Variants in DNAL4 observed in about 807,000 individuals in gnomAD.
DNAL4 encodes the protein dynein axonemal light chain 4.
Under a neutral mutation model 12.6 loss-of-function variants are expected in DNAL4, and 10 were observed. That is an observed-to-expected ratio of 0.79 (90% CI 0.49 to 1.34). The LOEUF is 1.34. DNAL4 is among the 40% of genes most tolerant of loss of function. The pLI is 0.00. For synonymous variants in DNAL4, 46 were observed against 53.1 expected, an observed-to-expected ratio of 0.87 and a Z score of 0.58; for missense variants, 128 against 138.1, an observed-to-expected ratio of 0.93 and a Z score of 0.37.
chr22:38,792,287 C>CT (rs35443069), intron 1 of DNAL4, among the ~76,000 whole-genome samples: 123,336 of 146,332 alleles, frequency 0.84, 52,038 homozygotes, highest in African/African-American at 0.89. Flanking sequence ...TTCTTTTTTA[C>CT]TTTTTTTTTT....
At chr22:38,781,609 T>C (rs895418068) in intron 2 of DNAL4, among the ~76,000 whole-genome samples, 1 of 152,200 alleles carries the variant, frequency 6.6e-6, no homozygotes, top group Admixed American at 6.5e-5. Context: ...TCTGTCAAAC[T>C]GGCCACTTGA....
rs762739403 is a variant in DNAL4, at chr22:38,779,550, T to G, written c.217A>C (p.Ile73Leu). 1 of 1,592,898 alleles carries G rather than the reference T, an allele frequency of 6.3e-7. No individual in the cohort carries two copies. The change falls in exon 4 of 4, where the codon ATC becomes CTC. Residue 73 changes from isoleucine to leucine, a missense_variant. By Grantham distance (5) the Ile-to-Leu change is conservative. Transcript: ENST00000216068. The surrounding 1 kb of genome is among the most constrained non-coding windows in gnomAD (Gnocchi z 4.3). ...ATCTCAAACCCAAAGCCCTCGCCGA[T>G]CACCACGTGCCAGGAGGAGCCGAAC... ...KKFGSSWHVV[I>L]GEGFGFEITH...
intron 1 of DNAL4, 36 bp downstream of exon 1, chr22:38,794,032 C>T (rs1334544184): frequency 6.6e-6 from 1 of 152,216 alleles, no homozygotes; most frequent in Non-Finnish European, 1.5e-5. Flanking sequence ...GGCCGGCCCT[C>T]CCCGCCTGGC....
chr22:38,779,539 G>A lies in DNAL4; in HGVS notation c.228C>T (p.Gly76=), dbSNP rs772575654. ...CCTCGTGGGTGATCTCAAACCCAAAGCCCTCGCCGATCACCACGTGCCAGG... is the reference window on the plus strand; with the variant it reads ...CCTCGTGGGTGATCTCAAACCCAAAACCCTCGCCGATCACCACGTGCCAGG... ...GSSWHVVIGE[G]FGFEITHEVK... is the part of the protein sequence containing the mutation. The change falls in exon 4 of 4, where the codon GGC becomes GGT. Residue 76 remains glycine, a synonymous_variant. Coordinates refer to ENST00000216068, the MANE Select transcript of DNAL4 (RefSeq NM_005740.3). This position sits in a 1 kb window ranked among gnomAD's most constrained non-coding sequence, Gnocchi z 4.3. 2.5e-6 allele frequency: 4 copies of A among 1,588,514 alleles called. No homozygotes were observed. Among genetic ancestry groups the A allele is most frequent in the African/African-American group, 2.7e-5 (2 of 74,392 alleles).
At position 38,780,978 on chromosome 22, in the gene DNAL4, T is replaced by TC. The variant is rs1337369443; in HGVS notation, c.100dup (p.Glu34GlyfsTer11). The TC allele has an allele frequency of 6.2e-7, 1 of 1,614,058 alleles. No individual in the cohort carries two copies. Among genetic ancestry groups the TC allele is most frequent in the Non-Finnish European group, 8.5e-7 (1 of 1,180,018 alleles). On this transcript the variant is annotated frameshift_variant, in exon 3 of 4. Coordinates refer to ENST00000216068, the MANE Select transcript of DNAL4 (RefSeq NM_005740.3). LOFTEE classifies it high-confidence loss of function. ...GGCTGTGACACATAGCTCCATGGTCTCCACGCGCATCTCCTCTGGCATGTC... is the reference window on the plus strand; with the variant it reads ...GGCTGTGACACATAGCTCCATGGTCTCCCACGCGCATCTCCTCTGGCATGTC...
intron 1 of DNAL4, among the ~76,000 whole-genome samples, chr22:38,786,415 C>T (rs1355321534): frequency 2.0e-5 from 3 of 152,022 alleles, no homozygotes; most frequent in Admixed American, 6.6e-5. Context: ...AAAAATTAGC[C>T]GGATGTGGTG....
intron 1 of DNAL4, among the ~76,000 whole-genome samples, chr22:38,788,756 G>A (rs1432237745): frequency 6.6e-6 from 1 of 152,244 alleles, no homozygotes; most frequent in Non-Finnish European, 1.5e-5. Flanking sequence ...GAACAGATTT[G>A]AATCTAAGGG....
In DNAL4 at chr22:38,780,925, C is replaced by A; in HGVS notation, c.153+1G>T. 6.2e-7 allele frequency: 1 copy of A among 1,614,232 alleles called. No homozygotes were observed. Among genetic ancestry groups the A allele is most frequent in the Non-Finnish European group, 8.5e-7 (1 of 1,180,032 alleles). On this transcript the variant is annotated splice_donor_variant, in intron 3 of 3. Transcript: ENST00000216068. LOFTEE classifies it high-confidence loss of function. ...GGGGCCGCCTGCACTGCTGGCAATA[C>A]CTCGTTGTTGTTGGAGAATTTCTCA...
At position 38,779,420 on chromosome 22, in the gene DNAL4, CT is replaced by C; in HGVS notation, c.*28del. The C allele has an allele frequency of 6.5e-7, 1 of 1,550,136 alleles. No homozygotes were observed. The highest frequency in any genetic ancestry group is 8.7e-7 in the Non-Finnish European group (1 of 1,145,774). On this transcript the variant is annotated 3_prime_UTR_variant, in exon 4 of 4. Coordinates refer to ENST00000216068, the MANE Select transcript of DNAL4 (RefSeq NM_005740.3). The surrounding 1 kb of genome is among the most constrained non-coding windows in gnomAD (Gnocchi z 4.3). ...CCCAGATGAGTGGCAGGAAAAGGCCCTGCAGGGGACGGGGCAGGGGACAGAG... is the reference window on the plus strand; with the variant it reads ...CCCAGATGAGTGGCAGGAAAAGGCCCGCAGGGGACGGGGCAGGGGACAGAG...
intron 1 of DNAL4, among the ~76,000 whole-genome samples, chr22:38,792,793 CCTAT>C (rs761867764): frequency 8.5e-5 from 13 of 152,258 alleles, no homozygotes; most frequent in Non-Finnish European, 1.2e-4. Flanking sequence ...TCCTGAAGGA[CCTAT>C]CTAAGACTGT....
intron 1 of DNAL4, among the ~76,000 whole-genome samples, chr22:38,783,799 G>C (rs929391437): frequency 2.6e-5 from 4 of 152,154 alleles, no homozygotes; most frequent in Non-Finnish European, 5.9e-5. Flanking sequence ...TGCCTGTAAA[G>C]CTAAGACAGT....
intron 2 of DNAL4, among the ~76,000 whole-genome samples, chr22:38,781,473 C>T (rs2093034263): frequency 6.6e-6 from 1 of 152,112 alleles, no homozygotes; most frequent in Admixed American, 6.5e-5. Context: ...CCCACCTCCA[C>T]TCTCCCATCT....
intron 2 of DNAL4, among the ~76,000 whole-genome samples, chr22:38,781,656 C>T (rs1271775695): frequency 6.6e-6 from 1 of 152,170 alleles, no homozygotes; most frequent in South Asian, 2.1e-4. Flanking sequence ...ACTTGATTCC[C>T]ACAAACCCAT....
chr22:38,791,494 C>T (rs2093050533), intron 1 of DNAL4, among the ~76,000 whole-genome samples: 1 of 151,884 alleles, frequency 6.6e-6, no homozygotes, highest in Non-Finnish European at 1.5e-5. Context: ...GCTGGGATTA[C>T]AGGCACGTGC....
In DNAL4 at chr22:38,781,084, T is replaced by C. The variant is rs2093033647; in HGVS notation, c.70-75A>G. 2.4e-5 allele frequency: 37 copies of C among 1,557,906 alleles called. 1 individual carries two copies. In the South Asian group the frequency reaches 3.5e-4, roughly 15 times the overall value. ...CTGGCCTTCCTGGCTGGCCTCTCTGTCCCAAGCTTAAGGCATGGACAGCAG... is the reference window on the plus strand; with the variant it reads ...CTGGCCTTCCTGGCTGGCCTCTCTGCCCCAAGCTTAAGGCATGGACAGCAG... On this transcript the variant is annotated intron_variant, in intron 2 of 3. Coordinates refer to ENST00000216068, the MANE Select transcript of DNAL4 (RefSeq NM_005740.3).
In DNAL4 at chr22:38,782,802, A is replaced by C. The variant is rs1603239401; in HGVS notation, c.-71T>G. On this transcript the variant is annotated 5_prime_UTR_variant, in exon 2 of 4. Coordinates refer to ENST00000216068, the MANE Select transcript of DNAL4 (RefSeq NM_005740.3). The surrounding 1 kb of genome is among the most constrained non-coding windows in gnomAD (Gnocchi z 5.1). Reference sequence around the variant, plus strand: ...GTGCTGGGACTGGCAGTTAAGACACACCCAGGAGATTCAGGAAGCAGGCCC... The same window carrying C: ...GTGCTGGGACTGGCAGTTAAGACACCCCCAGGAGATTCAGGAAGCAGGCCC... 7 of 1,434,594 alleles carry C rather than the reference A, an allele frequency of 4.9e-6. No homozygotes were observed. Among genetic ancestry groups the C allele is most frequent in the Non-Finnish European group, 4.7e-6 (5 of 1,064,496 alleles). The allele number at this position is 1,434,594 out of a possible 1,614,324, so 88.9% of individuals were successfully genotyped here.
Position 38,782,448 on chromosome 22 carries a change from C to T in DNAL4, c.69+215G>A, listed in dbSNP as rs776905558. Among the ~76,000 whole-genome samples, 1 of 152,338 alleles carries T rather than the reference C, an allele frequency of 6.6e-6. No individual in the cohort carries two copies. Among genetic ancestry groups the T allele is most frequent in the Non-Finnish European group, 1.5e-5 (1 of 68,030 alleles). On this transcript the variant is annotated intron_variant, in intron 2 of 3. Transcript: ENST00000216068. The surrounding 1 kb of genome is among the most constrained non-coding windows in gnomAD (Gnocchi z 5.1). ...TTTACCATCCCCACAGTGCCTAGAA[C>T]AGTGCCCGGCATAGAGTAGGTGGCC...
chr22:38,792,178 C>G (rs1476826817), intron 1 of DNAL4, among the ~76,000 whole-genome samples: 1 of 152,082 alleles, frequency 6.6e-6, no homozygotes, highest in Non-Finnish European at 1.5e-5. Flanking sequence ...CGTAGTAACA[C>G]TTAGCTTAAA....
intron 1 of DNAL4, among the ~76,000 whole-genome samples, chr22:38,791,103 G>A (rs185957224): frequency 9.0e-4 from 136 of 151,546 alleles, no homozygotes; most frequent in Admixed American, 3.0e-3. Flanking sequence ...GGAGGCGGAG[G>A]TTGCAGTGAG....
Sources: gnomAD v4.1 joint callset for allele counts (sites outside exome capture counted in the v4.1 genomes callset) on GRCh38, gnomAD v4.1.1 for gene constraint, Gnocchi (gnomAD v3.1) non-coding constraint, MANE v1.5 for transcripts, NCBI Gene and HGNC (gene_info 2026-07-23, HGNC 2026-07-21) for gene names.